NFATC1: variants seen among roughly 807,000 people sequenced by gnomAD.
The protein encoded by NFATC1 is nuclear factor of activated T-cells, cytoplasmic 1.
Under a neutral mutation model 76.0 loss-of-function variants are expected in NFATC1, and 22 were observed. That is an observed-to-expected ratio of 0.29 (90% CI 0.21 to 0.41). The LOEUF is 0.41. NFATC1 is among the 10% of genes least tolerant of loss of function. NFATC1 has a pLI of 1.00. For missense variants in NFATC1, 1,357 were observed against 1,337.7 expected (o/e 1.01, Z -0.23); for synonymous variants, 704 against 613.1 (o/e 1.15, Z -2.19).
At position 79,486,426 on chromosome 18, in the gene NFATC1, G is replaced by C; in HGVS notation, c.2271G>C (p.Leu757=). 1 of 1,612,392 alleles carries C rather than the reference G, an allele frequency of 6.2e-7. No homozygotes were observed. Among genetic ancestry groups the C allele is most frequent in the Admixed American group, 1.7e-5 (1 of 60,022 alleles). The change falls in exon 9 of 10, where the codon CTG becomes CTC. Residue 757 remains leucine (L), a synonymous_variant. Coordinates refer to ENST00000427363, the MANE Select transcript of NFATC1 (RefSeq NM_001278669.2). ...CGCCCTGTCCGCAGAGAAGCACCCT[G>C]ATGCCAGCGGCCCCTGGCGTGAGCC... The part of the protein sequence containing the change: ...GFPPCPQRST[L]MPAAPGVSPK...
chr18:79,453,308 G>A (rs892185378), intron 6 of NFATC1, among the ~76,000 whole-genome samples: 17 of 152,194 alleles, frequency 1.1e-4, no homozygotes, highest in African/African-American at 3.1e-4. Flanking sequence ...AGAGAGGCCT[G>A]GGCACCTTGG....
Position 79,486,406 on chromosome 18 carries a change from T to G in NFATC1, c.2251T>G (p.Cys751Gly), listed in dbSNP as rs754093. 705,471 of 1,612,454 alleles carry G rather than the reference T, an allele frequency of 0.44. 158,302 individuals carry two copies. Among genetic ancestry groups the G allele is most frequent in the Middle Eastern group, 0.56 (3,381 of 6,060 alleles). Residue 751 changes from cysteine (C) to glycine (G), a missense_variant, in exon 9 of 10, where the codon TGT becomes GGT. This residue lies in a region of NFATC1 where 424 missense variants were observed against 395.4 expected (regional missense o/e 1.07). Coordinates refer to ENST00000427363, the MANE Select transcript of NFATC1 (RefSeq NM_001278669.2). ...CTGCCTCGTGGCCGGCTTCCCGCCC[T>G]GTCCGCAGAGAAGCACCCTGATGCC... ...SSCLVAGFPP[C>G]PQRSTLMPAA...
At chr18:79,463,022 C>T (rs1201088720) in intron 7 of NFATC1, among the ~76,000 whole-genome samples, 1 of 152,232 alleles carries the variant, frequency 6.6e-6, no homozygotes, top group Admixed American at 6.5e-5. Context: ...CTCCCTGTCC[C>T]AAGAGGTGGC....
intron 8 of NFATC1, chr18:79,469,652 C>G: frequency 2.0e-6 from 2 of 985,920 alleles, no homozygotes; most frequent in Non-Finnish European, 2.4e-6. Context: ...CACCCCCCAT[C>G]TGCTCCAGCA....
rs757807767 is a variant in NFATC1, at chr18:79,486,819, G to A, written c.2664G>A (p.Pro888=). 3.4e-5 allele frequency: 55 copies of A among 1,611,538 alleles called. No homozygotes were observed. Among genetic ancestry groups the A allele is most frequent in the Non-Finnish European group, 4.0e-5 (47 of 1,179,444 alleles). ...CCACGGTCCGCAGGGACGAGTCTCC[G>A]ACTGCCGGGCCACGGCTGCTGCCAG... ...LPSTVRRDES[P]TAGPRLLPEV... Residue 888 remains proline (P), a synonymous_variant, in exon 9 of 10, where the codon CCG becomes CCA. Transcript: ENST00000427363.
At chr18:79,510,245 C>A (rs919951535) in intron 9 of NFATC1, among the ~76,000 whole-genome samples, 5 of 152,030 alleles carry the variant, frequency 3.3e-5, no homozygotes, top group Admixed American at 3.3e-4. Flanking sequence ...TGCCCCCGTG[C>A]GGAAACTCAG....
intron 9 of NFATC1, among the ~76,000 whole-genome samples, chr18:79,492,867 C>T (rs374592113): frequency 1.4e-4 from 19 of 139,764 alleles, no homozygotes; most frequent in African/African-American, 4.9e-4. Context: ...AAGCGAGACT[C>T]CATCTCAAAA....
chr18:79,409,272 T>TCATC (rs1469307363), intron 1 of NFATC1, among the ~76,000 whole-genome samples: 2 of 123,230 alleles, frequency 1.6e-5, no homozygotes, highest in African/African-American at 6.0e-5. Flanking sequence ...CATCCATCTA[T>TCATC]CATCCATCCA....
intron 2 of NFATC1, among the ~76,000 whole-genome samples, chr18:79,424,429 C>G (rs1455373296): frequency 1.3e-5 from 2 of 152,242 alleles, no homozygotes; most frequent in South Asian, 2.1e-4. Context: ...CCCAGAAGAC[C>G]CAGAGGCTGC....
Position 79,528,835 on chromosome 18 carries a change from A to G in NFATC1, c.*1258A>G, listed in dbSNP as rs1015232367. On this transcript the variant is annotated 3_prime_UTR_variant, in exon 10 of 10. Coordinates refer to ENST00000427363, the MANE Select transcript of NFATC1 (RefSeq NM_001278669.2). ...TAGGCCTTGCTGGGCACTCTGTACA[A>G]TTAGTTGCTTATTACGTATGATTAC... The G allele has an allele frequency of 3.9e-5, 6 of 152,428 alleles. No homozygotes were observed. The highest frequency in any genetic ancestry group is 8.8e-5 in the Non-Finnish European group (6 of 68,036). 9.4% of individuals were successfully genotyped at this position (152,428 alleles called of 1,614,324 possible).
At chr18:79,497,510 G>C (rs919229532) in intron 9 of NFATC1, 1 of 152,224 alleles carries the variant, frequency 6.6e-6, no homozygotes, top group African/African-American at 2.4e-5. Context: ...CCCGTTCCGA[G>C]GCACAATCAC....
chr18:79,504,740 A>G (rs2090087163), intron 9 of NFATC1, among the ~76,000 whole-genome samples: 1 of 152,270 alleles, frequency 6.6e-6, no homozygotes, highest in Non-Finnish European at 1.5e-5. Context: ...GACATCCACA[A>G]AAGGCGCAGC....
chr18:79,418,963 T>C (rs2085972735), intron 2 of NFATC1, among the ~76,000 whole-genome samples: 1 of 152,172 alleles, frequency 6.6e-6, no homozygotes, highest in Non-Finnish European at 1.5e-5. Context: ...CCATGTCTGT[T>C]GTTAGCCATG....
intron 6 of NFATC1, among the ~76,000 whole-genome samples, chr18:79,453,208 G>A (rs929818927): frequency 1.4e-4 from 21 of 152,344 alleles, no homozygotes; most frequent in Non-Finnish European, 2.5e-4. Flanking sequence ...GTAGGGCCTC[G>A]CTTGGGCCAA....
At chr18:79,403,505 G>A (rs1430884529) in intron 1 of NFATC1, among the ~76,000 whole-genome samples, 2 of 152,210 alleles carry the variant, frequency 1.3e-5, no homozygotes, top group African/African-American at 4.8e-5. Flanking sequence ...CAGCTGGGAG[G>A]CGGGCGTGCC....
At chr18:79,526,812 G>T (rs370884274) in intron 9 of NFATC1, among the ~76,000 whole-genome samples, 2 of 152,228 alleles carry the variant, frequency 1.3e-5, no homozygotes, top group African/African-American at 4.8e-5. Flanking sequence ...GCAGAAACAC[G>T]TGGGGCTTAT....
chr18:79,527,392 G>T (rs879865250), intron 9 of NFATC1, 136 bp from the exon 10 acceptor site: 3 of 710,678 alleles, frequency 4.2e-6, no homozygotes. Flanking sequence ...GGGTGGGACC[G>T]AGGAGGAAAT....
chr18:79,523,879 C>T (rs2090680267), intron 9 of NFATC1: 1 of 152,230 alleles, frequency 6.6e-6, no homozygotes, highest in African/African-American at 2.4e-5. Flanking sequence ...GCGGGGACAT[C>T]TGACGTTAGG....
intron 3 of NFATC1, among the ~76,000 whole-genome samples, chr18:79,446,431 A>G (rs996974263): frequency 1.3e-5 from 2 of 151,962 alleles, no homozygotes; most frequent in African/African-American, 2.4e-5. Flanking sequence ...ACTCATTTAC[A>G]TTTTTTTCTA....
Sources: gnomAD v4.1 joint callset for allele counts (sites outside exome capture counted in the v4.1 genomes callset) on GRCh38, gnomAD v4.1.1 for gene constraint, gnomAD v4.1.1 regional missense constraint, MANE v1.5 for transcripts, NCBI Gene and HGNC (gene_info 2026-07-23, HGNC 2026-07-21) for gene names.